The following TOX variants were observed in gnomAD, a reference collection of about 807,000 sequenced individuals.
TOX encodes thymocyte selection-associated high mobility group box protein TOX.
TOX carries 11 observed loss-of-function variants against 53.7 expected under a neutral mutation model. That is an observed-to-expected ratio of 0.20 (90% CI 0.13 to 0.34). The LOEUF (loss-of-function observed/expected upper bound fraction) is 0.34, where lower values mean the gene tolerates loss of function less well. Ranked by LOEUF, TOX falls within the 10% of genes least tolerant of loss-of-function variation. The probability of loss-of-function intolerance (pLI) is 1.00; values close to 1 mark genes in which losing one functional copy is unlikely to be tolerated. For synonymous variants in TOX, 225 were observed against 245.3 expected, an observed-to-expected ratio of 0.92 and a Z score of 0.77; for missense variants, 570 against 664.6, an observed-to-expected ratio of 0.86 and a Z score of 1.56.
chr8:58,997,335 G>A (rs1303019454), intron 1 of TOX, among the ~76,000 whole-genome samples: 1 of 152,232 alleles, frequency 6.6e-6, no homozygotes. Context: ...ACCAGTGGAT[G>A]AAGACTTAGG....
chr8:59,021,481 A>ATATATATATAT (rs1554539852), intron 1 of TOX, among the ~76,000 whole-genome samples: 29 of 64,732 alleles, frequency 4.5e-4, no homozygotes, highest in East Asian at 2.3e-3. Flanking sequence ...AAAAAAAAAA[A>ATATATATATAT]ATATATATAT....
Position 59,098,340 on chromosome 8 carries a change from G to A in TOX, c.102+20546C>T, listed in dbSNP as rs180886081. 4.6e-5 allele frequency among the ~76,000 whole-genome samples: 7 copies of A among 152,214 alleles called. No individual in the cohort carries two copies. The East Asian group carries it at 1.4e-3, about 29-fold the overall frequency. ...TCTATGTGTGAACCAAAAAGGTTAA[G>A]AACGACTGACAATCTAGCACTAAGA... is the stretch of plus-strand genomic sequence containing the variant. On this transcript the variant is annotated intron_variant, in intron 1 of 8. Coordinates refer to ENST00000361421, the MANE Select transcript of TOX (RefSeq NM_014729.3).
At chr8:58,984,891 G>A (rs1289519718) in intron 1 of TOX, among the ~76,000 whole-genome samples, 1 of 151,330 alleles carries the variant, frequency 6.6e-6, no homozygotes, top group East Asian at 1.9e-4. Context: ...TGGTGCAACT[G>A]GCTGTAGAAA....
At chr8:58,885,582 A>G (rs532674659) in intron 3 of TOX, among the ~76,000 whole-genome samples, 1 of 152,288 alleles carries the variant, frequency 6.6e-6, no homozygotes, top group Non-Finnish European at 1.5e-5. Context: ...TGCCGTGCCA[A>G]TACCAAATAT....
intron 1 of TOX, among the ~76,000 whole-genome samples, chr8:59,008,743 G>C (rs557903939): frequency 6.6e-6 from 1 of 152,310 alleles, no homozygotes; most frequent in East Asian, 1.9e-4. Context: ...CATGGTGGCT[G>C]TCTGTGGCAT....
chr8:58,949,446 G>T (rs922109253), intron 2 of TOX, among the ~76,000 whole-genome samples: 1 of 152,076 alleles, frequency 6.6e-6, no homozygotes, highest in Non-Finnish European at 1.5e-5. Context: ...ACATTCTATA[G>T]TTCTCTACTT....
At chr8:59,091,652 G>A (rs1245084400) in intron 1 of TOX, among the ~76,000 whole-genome samples, 1 of 152,080 alleles carries the variant, frequency 6.6e-6, no homozygotes, top group East Asian at 1.9e-4. Context: ...AATACACAGA[G>A]CCCTCAGTGC....
In TOX at chr8:58,807,236, T is replaced by C. The variant is rs1015909760; in HGVS notation, c.*511A>G. The C allele has an allele frequency of 6.5e-6, 1 of 152,686 alleles. No individual in the cohort carries two copies. Among genetic ancestry groups the C allele is most frequent in the Non-Finnish European group, 1.5e-5 (1 of 68,070 alleles). 9.5% of individuals were successfully genotyped at this position (152,686 alleles called of 1,614,324 possible). ...TGAATGTTTGCCAATTTAACCCCTA[T>C]TGTGAAATCAATAAACTGGAATGAG... On this transcript the variant is annotated 3_prime_UTR_variant, in exon 9 of 9. Transcript: ENST00000361421.
chr8:58,981,094 C>G (rs1813197174), intron 1 of TOX, among the ~76,000 whole-genome samples: 1 of 152,162 alleles, frequency 6.6e-6, no homozygotes. Flanking sequence ...TCAGTTTTAA[C>G]TAATGACTGC....
chr8:58,808,163 G>A lies in TOX; in HGVS notation c.1499C>T (p.Pro500Leu). ...MEYVRSGCRN[P>L]PPQPVDWNND... is the part of the protein sequence containing the mutation. ...ATTCCAGTCCACCGGTTGTGGGGGAGGATTTCTGCACCCCGAACGCACATA... is the reference window on the plus strand; with the variant it reads ...ATTCCAGTCCACCGGTTGTGGGGGAAGATTTCTGCACCCCGAACGCACATA... Residue 500 changes from proline (P) to leucine (L), a missense_variant, in exon 8 of 9, where the codon CCT (proline) becomes CTT (leucine). Physicochemically the swap from Pro to Leu is moderately conservative, Grantham distance 98 (BLOSUM62 -3). This residue lies in a region of TOX where 239 missense variants were observed against 250.7 expected (regional missense o/e 0.95). Coordinates refer to ENST00000361421, the MANE Select transcript of TOX (RefSeq NM_014729.3). 1 of 1,614,070 alleles carries A rather than the reference G, an allele frequency of 6.2e-7. No homozygotes were observed. The highest frequency in any genetic ancestry group is 1.1e-5 in the South Asian group (1 of 91,080).
intron 1 of TOX, among the ~76,000 whole-genome samples, chr8:59,012,085 T>C (rs1386116643): frequency 6.6e-6 from 1 of 152,076 alleles, no homozygotes; most frequent in Admixed American, 6.5e-5. Flanking sequence ...CACCCTTGTA[T>C]CCTCTCAAAA....
chr8:59,040,253 C>T (rs1803551486), intron 1 of TOX, among the ~76,000 whole-genome samples: 1 of 138,776 alleles, frequency 7.2e-6, no homozygotes, highest in Admixed American at 8.1e-5. Context: ...GGCGGGAACC[C>T]GGGAGGCGGA....
chr8:59,008,687 C>T (rs181825416), intron 1 of TOX, among the ~76,000 whole-genome samples: 12 of 152,294 alleles, frequency 7.9e-5, no homozygotes, highest in African/African-American at 2.6e-4. Flanking sequence ...CACTTTTCCC[C>T]GAGAAGTCTC....
rs1276193673 is a variant in TOX at position 58,838,125 on chromosome 8, T to C, written c.880A>G (p.Ile294Val). ...PNATFGEVSKIVASMWDGLGE... is the reference protein window; with the variant it reads ...PNATFGEVSKVVASMWDGLGE... ...AAACCGTCCCACATTGAAGCCACAATTTTAGAGACTTCGCCAAAGGTAGCG... is the reference window on the plus strand; with the variant it reads ...AAACCGTCCCACATTGAAGCCACAACTTTAGAGACTTCGCCAAAGGTAGCG... Residue 294 changes from isoleucine (I) to valine (V), a missense_variant, in exon 5 of 9, where the codon ATT becomes GTT. Ile to Val is a conservative substitution (Grantham distance 29). This residue lies in a region of TOX where 49 missense variants were observed against 98.9 expected (regional missense o/e 0.50). Coordinates refer to ENST00000361421, the MANE Select transcript of TOX (RefSeq NM_014729.3). The C allele has an allele frequency of 6.2e-7, 1 of 1,614,198 alleles. No individual in the cohort carries two copies. The highest frequency in any genetic ancestry group is 8.5e-7 in the Non-Finnish European group (1 of 1,180,018).
At chr8:59,090,381 A>G (rs1011177150) in intron 1 of TOX, among the ~76,000 whole-genome samples, 1 of 152,196 alleles carries the variant, frequency 6.6e-6, no homozygotes, top group Non-Finnish European at 1.5e-5. Context: ...TATGTTTCCA[A>G]TGCAGGATAT....
intron 1 of TOX, among the ~76,000 whole-genome samples, chr8:59,010,571 A>T (rs370474210): frequency 6.6e-6 from 1 of 152,196 alleles, no homozygotes; most frequent in Admixed American, 6.5e-5. Flanking sequence ...GTGACCCTAG[A>T]TGTATCACCT....
intron 1 of TOX, among the ~76,000 whole-genome samples, chr8:59,058,959 G>A (rs1361642673): frequency 2.6e-5 from 4 of 152,294 alleles, no homozygotes; most frequent in African/African-American, 9.6e-5. Flanking sequence ...CACCCTGATG[G>A]CCAACTTCTC....
chr8:58,919,192 T>C (rs1175624941), intron 3 of TOX, among the ~76,000 whole-genome samples: 1 of 150,254 alleles, frequency 6.7e-6, no homozygotes, highest in Non-Finnish European at 1.5e-5. Flanking sequence ...CTTCACAGAA[T>C]TGGAAAAAAC....
At chr8:58,822,930 T>C (rs3779998) in intron 6 of TOX, among the ~76,000 whole-genome samples, 20,997 of 152,174 alleles carry the variant, frequency 0.14, 1,579 homozygotes, top group African/African-American at 0.2. Flanking sequence ...ATGGGGCTAA[T>C]TCCTACTGTG....
Sources: gnomAD v4.1 joint callset for allele counts (sites outside exome capture counted in the v4.1 genomes callset) on GRCh38, gnomAD v4.1.1 for gene constraint, gnomAD v4.1.1 regional missense constraint, MANE v1.5 for transcripts, NCBI Gene and HGNC (gene_info 2026-07-23, HGNC 2026-07-21) for gene names.